Variants in PRDM5 observed in about 807,000 individuals in gnomAD.
PRDM5 encodes PR domain zinc finger protein 5.
In PRDM5, 56 loss-of-function variants were observed where a neutral mutation model predicts 81.2. The ratio of observed to expected loss-of-function variants is 0.69; its 90% confidence interval spans 0.56 to 0.86. The LOEUF (loss-of-function observed/expected upper bound fraction) is 0.86. Among genes scored for constraint, PRDM5 ranks in the 40% least tolerant of loss-of-function variants. The pLI is 0.00. For synonymous variants in PRDM5, 267 were observed against 256.4 expected (o/e 1.04, Z -0.39); for missense variants, 697 against 770.1 (o/e 0.91, Z 1.12).
At chr4:120,758,516 A>C (rs1181725068) in intron 13 of PRDM5, among the ~76,000 whole-genome samples, 1 of 152,142 alleles carries the variant, frequency 6.6e-6, no homozygotes, top group Admixed American at 6.5e-5. Context: ...ACAGAGACAC[A>C]CAGGGAGAAT....
intron 2 of PRDM5, among the ~76,000 whole-genome samples, chr4:120,886,095 A>G (rs1289260864): frequency 6.6e-6 from 1 of 152,182 alleles, no homozygotes; most frequent in Non-Finnish European, 1.5e-5. Flanking sequence ...CTAGAGGACT[A>G]ATGTCAGGAA....
At chr4:120,686,862 T>C (rs1055851698) in intron 1 of PRDM5, among the ~76,000 whole-genome samples, 1 of 151,982 alleles carries the variant, frequency 6.6e-6, no homozygotes, top group Non-Finnish European at 1.5e-5. Context: ...GTTTCTATAC[T>C]TAAGTTACAA....
intron 14 of PRDM5, among the ~76,000 whole-genome samples, chr4:120,734,863 A>T (rs190229721): frequency 2.6e-5 from 4 of 152,212 alleles, no homozygotes; most frequent in African/African-American, 9.6e-5. Context: ...GTGCACATAC[A>T]GCACCCTGGG....
At chr4:120,798,139 AG>A in intron 10 of PRDM5, 127 bp downstream of exon 10, 1 of 609,270 alleles carries the variant, frequency 1.6e-6, no homozygotes, top group South Asian at 3.0e-5. Context: ...GGCCCAGGTG[AG>A]TGATCTTCTC....
chr4:120,865,010 A>T (rs1761043546), intron 2 of PRDM5, among the ~76,000 whole-genome samples: 1 of 152,210 alleles, frequency 6.6e-6, no homozygotes, highest in African/African-American at 2.4e-5. Flanking sequence ...GCAACAAAAA[A>T]TCTGGCAAGA....
At chr4:120,759,003 C>T (rs370137916) in intron 13 of PRDM5, among the ~76,000 whole-genome samples, 18 of 152,250 alleles carry the variant, frequency 1.2e-4, no homozygotes, top group African/African-American at 3.9e-4. Flanking sequence ...CATCCACCCA[C>T]CTCAACCACC....
chr4:120,900,724 A>G (rs1481722183), intron 2 of PRDM5, among the ~76,000 whole-genome samples: 2 of 152,220 alleles, frequency 1.3e-5, no homozygotes, highest in African/African-American at 4.8e-5. Flanking sequence ...ATAATTTGCT[A>G]TAACTGTAAG....
At chr4:120,780,179 G>C (rs140379605) in intron 12 of PRDM5, among the ~76,000 whole-genome samples, 92 of 152,220 alleles carry the variant, frequency 6.0e-4, no homozygotes, top group Non-Finnish European at 9.6e-4. Context: ...CACTGCCTGA[G>C]TGCAGTGTCT....
At chr4:120,860,366 C>T (rs1056129255) in intron 2 of PRDM5, among the ~76,000 whole-genome samples, 4 of 151,888 alleles carry the variant, frequency 2.6e-5, no homozygotes, top group African/African-American at 9.7e-5. Context: ...CTTTGCCTTT[C>T]AAAGTACTTT....
chr4:120,876,380 T>C (rs935540594), intron 2 of PRDM5, among the ~76,000 whole-genome samples: 2 of 152,230 alleles, frequency 1.3e-5, no homozygotes, highest in African/African-American at 2.4e-5. Flanking sequence ...ATTTAACATA[T>C]GTAAAATTGT....
intron 14 of PRDM5, among the ~76,000 whole-genome samples, chr4:120,735,606 CT>C (rs1328249855): frequency 2.6e-5 from 4 of 152,112 alleles, no homozygotes; most frequent in African/African-American, 9.7e-5. Flanking sequence ...GAGATACAGT[CT>C]TTTGATTTTA....
In PRDM5 at chr4:120,770,318, C is replaced by T. The variant is rs891787322; in HGVS notation, c.1537+6870G>A. Among the ~76,000 whole-genome samples the T allele has an allele frequency of 5.9e-5, 9 of 152,206 alleles. No homozygotes were observed. In the South Asian group the frequency reaches 1.2e-3, roughly 21 times the overall value. ...TGCTGAGATTACAGGCGTGAGCCACCGCACCCGACCCCTATTTATTTTTAA... is the reference window on the plus strand; with the variant it reads ...TGCTGAGATTACAGGCGTGAGCCACTGCACCCGACCCCTATTTATTTTTAA... On this transcript the variant is annotated intron_variant, in intron 13 of 15. Transcript: ENST00000264808.
chr4:120,876,559 C>T (rs1762351539), intron 2 of PRDM5, among the ~76,000 whole-genome samples: 2 of 152,178 alleles, frequency 1.3e-5, no homozygotes, highest in African/African-American at 4.8e-5. Context: ...ACAGAACTGA[C>T]TGTATAACCA....
intron 3 of PRDM5, among the ~76,000 whole-genome samples, chr4:120,823,492 T>G (rs1755558833): frequency 6.6e-6 from 1 of 152,216 alleles, no homozygotes; most frequent in Non-Finnish European, 1.5e-5. Context: ...TCTGGATATC[T>G]CTGTACATAT....
chr4:120,687,098 A>C (rs1414351994), downstream of PRDM5, among the ~76,000 whole-genome samples: 1 of 152,062 alleles, frequency 6.6e-6, no homozygotes, highest in African/African-American at 2.4e-5. Context: ...ATTTTAATTT[A>C]AACGTACTTA....
At chr4:120,763,578 G>A (rs1244917384) in intron 13 of PRDM5, among the ~76,000 whole-genome samples, 1 of 152,164 alleles carries the variant, frequency 6.6e-6, no homozygotes, top group Non-Finnish European at 1.5e-5. Context: ...TCTTCCATGA[G>A]TGTTCCACAC....
intron 14 of PRDM5, among the ~76,000 whole-genome samples, chr4:120,739,299 T>A (rs553473843): frequency 6.6e-6 from 1 of 152,302 alleles, no homozygotes; most frequent in African/African-American, 2.4e-5. Flanking sequence ...ACTGTACTTC[T>A]TAATGTAAAG....
chr4:120,920,970 A>G (rs1211715849), intron 1 of PRDM5, among the ~76,000 whole-genome samples: 1 of 152,246 alleles, frequency 6.6e-6, no homozygotes, highest in Non-Finnish European at 1.5e-5. Flanking sequence ...ATTAATAAAA[A>G]TCTCAAAAGA....
chr4:120,759,255 T>A (rs568537356), intron 13 of PRDM5, among the ~76,000 whole-genome samples: 2 of 152,372 alleles, frequency 1.3e-5, no homozygotes, highest in East Asian at 1.9e-4. Context: ...TATCCTAGAA[T>A]GTACTCCAGC....
Sources: gnomAD v4.1 joint callset for allele counts (sites outside exome capture counted in the v4.1 genomes callset) on GRCh38, gnomAD v4.1.1 for gene constraint, MANE v1.5 for transcripts, NCBI Gene and HGNC (gene_info 2026-07-23, HGNC 2026-07-21) for gene names.